SLC35B4: variants seen among roughly 807,000 people sequenced by gnomAD.
SLC35B4 encodes the protein solute carrier family 35 member B4, also known as nucleotide sugar transporter SLC35B4.
In SLC35B4, 28 loss-of-function variants were observed where a neutral mutation model predicts 39.5. The ratio of observed to expected loss-of-function variants is 0.71; its 90% CI spans 0.53 to 0.97. The LOEUF (loss-of-function observed/expected upper bound fraction) is 0.97, where lower values mean the gene tolerates loss of function less well. SLC35B4 is among the 50% of genes least tolerant of loss of function. SLC35B4 has a pLI of 0.00. For synonymous variants in SLC35B4, 145 were observed against 150.4 expected, an observed-to-expected ratio of 0.96 and a Z score of 0.26; for missense variants, 334 against 414.3, an observed-to-expected ratio of 0.81 and a Z score of 1.68.
At chr7:134,305,836 A>G (rs571795098) in intron 3 of SLC35B4, among the ~76,000 whole-genome samples, 1 of 152,030 alleles carries the variant, frequency 6.6e-6, no homozygotes, top group South Asian at 2.1e-4. Flanking sequence ...ACGCCCAGCT[A>G]ATTTTGTATT....
intron 1 of SLC35B4, among the ~76,000 whole-genome samples, chr7:134,314,004 C>T (rs1374204634): frequency 6.6e-6 from 1 of 151,738 alleles, no homozygotes; most frequent in African/African-American, 2.4e-5. Context: ...TATGAAAACC[C>T]ATTGTTTTAT....
chr7:134,308,750 A>C (rs1803768245), intron 2 of SLC35B4, among the ~76,000 whole-genome samples: 1 of 152,186 alleles, frequency 6.6e-6, no homozygotes, highest in South Asian at 2.1e-4. Context: ...CTGAGTTTTC[A>C]ATACACTGTT....
Position 134,316,769 on chromosome 7 carries a change from G to A in SLC35B4, c.-18C>T, listed in dbSNP as rs1226141970. The A allele has an allele frequency of 3.2e-6, 5 of 1,544,750 alleles. No homozygotes were observed. In the East Asian group the frequency reaches 7.3e-5, roughly 23 times the overall value. On this transcript the variant is annotated 5_prime_UTR_variant, in exon 1 of 10. Coordinates refer to ENST00000378509, the MANE Select transcript of SLC35B4 (RefSeq NM_032826.5). ...GGGCGCATGGCCGGTGCAGGGTTGG[G>A]GAAGCAAGCGCACAGAGTAAGCGCC...
chr7:134,298,132 T>C (rs1803506545), intron 8 of SLC35B4, among the ~76,000 whole-genome samples: 2 of 152,224 alleles, frequency 1.3e-5, no homozygotes, highest in African/African-American at 4.8e-5. Context: ...ATGTCTCATA[T>C]ATACATACAC....
At chr7:134,316,571 C>G in intron 1 of SLC35B4, 104 bp downstream of exon 1, 1 of 1,220,236 alleles carries the variant, frequency 8.2e-7, no homozygotes, top group Non-Finnish European at 1.1e-6. Flanking sequence ...GCTCCGTGGG[C>G]GGCGGGGTGG....
intron 8 of SLC35B4, 127 bp from the exon 9 acceptor site, chr7:134,296,593 G>A: frequency 1.5e-6 from 1 of 645,654 alleles, no homozygotes; most frequent in East Asian, 2.9e-5. Flanking sequence ...AAATAGAATT[G>A]GATCACGCAT....
chr7:134,297,108 A>G (rs1398449260), intron 8 of SLC35B4, among the ~76,000 whole-genome samples: 1 of 152,084 alleles, frequency 6.6e-6, no homozygotes, highest in African/African-American at 2.4e-5. Context: ...TTTAGTAGAG[A>G]CGGGGTTTCG....
In SLC35B4 at chr7:134,290,711, T is replaced by C. The variant is rs1370141180; in HGVS notation, c.*4122A>G. The C allele has an allele frequency of 1.3e-5, 2 of 152,232 alleles. No individual in the cohort carries two copies. 9.4% of individuals were successfully genotyped at this position (152,232 alleles called of 1,614,324 possible). The stretch of plus-strand genomic sequence containing the variant: ...AATAAGGAATGGATTTTATCTATAT[T>C]GACAGTTCTTTCAACCTTAAGAGTG... On this transcript the variant is annotated 3_prime_UTR_variant, in exon 10 of 10. Coordinates refer to ENST00000378509, the MANE Select transcript of SLC35B4 (RefSeq NM_032826.5).
Position 134,290,824 on chromosome 7 carries a change from C to T in SLC35B4, c.*4009G>A, listed in dbSNP as rs971645303. ...TGGTTATCTAATAAGGGTGGAATGA[C>T]TTATAATGCTATTTACTCCAGGCAA... On this transcript the variant is annotated 3_prime_UTR_variant, in exon 10 of 10. Coordinates refer to ENST00000378509, the MANE Select transcript of SLC35B4 (RefSeq NM_032826.5). The T allele has an allele frequency of 5.3e-5, 8 of 152,146 alleles. No individual in the cohort carries two copies. The highest frequency in any genetic ancestry group is 8.8e-5 in the Non-Finnish European group (6 of 68,032). 9.4% of individuals were successfully genotyped at this position (152,146 alleles called of 1,614,324 possible).
At chr7:134,312,103 G>C (rs1304828569) in intron 1 of SLC35B4, among the ~76,000 whole-genome samples, 1 of 152,154 alleles carries the variant, frequency 6.6e-6, no homozygotes, top group Non-Finnish European at 1.5e-5. Context: ...CACAGCGCCT[G>C]CCACAGAGTG....
intron 1 of SLC35B4, among the ~76,000 whole-genome samples, chr7:134,310,844 G>A (rs1166025289): frequency 1.3e-5 from 2 of 152,220 alleles, no homozygotes; most frequent in East Asian, 3.9e-4. Flanking sequence ...ACCACACCCG[G>A]CCTCTGTATT....
Position 134,291,695 on chromosome 7 carries a change from T to A in SLC35B4, c.*3138A>T, listed in dbSNP as rs1280877140. 2.0e-5 allele frequency: 3 copies of A among 152,126 alleles called. No individual in the cohort carries two copies. The highest frequency in any genetic ancestry group is 7.2e-5 in the African/African-American group (3 of 41,424). The allele number at this position is 152,126 out of a possible 1,614,324, so 9.4% of individuals were successfully genotyped here. A position where few individuals can be genotyped will look rare whatever the true frequency, so the allele number is the denominator to read the frequency against. On this transcript the variant is annotated 3_prime_UTR_variant, in exon 10 of 10. Transcript: ENST00000378509. ...AACAGGATGGAAAGGAGGAAAAAAC[T>A]AAAAACAAAGTATTTGGATTTGTCT... is the stretch of plus-strand genomic sequence containing the variant.
chr7:134,314,629 G>A (rs1397377107), intron 1 of SLC35B4, among the ~76,000 whole-genome samples: 2 of 151,952 alleles, frequency 1.3e-5, no homozygotes, highest in African/African-American at 2.4e-5. Context: ...TCCACCTCCC[G>A]GGTTCTAACG....
At chr7:134,299,626 G>T (rs151310484) in intron 7 of SLC35B4, 28 bp from the exon 8 acceptor site, 4 of 1,573,158 alleles carry the variant, frequency 2.5e-6, no homozygotes, top group South Asian at 1.1e-5. Context: ...TCAGATAAAT[G>T]TAAGTGCAAA....
intron 1 of SLC35B4, among the ~76,000 whole-genome samples, chr7:134,312,684 A>G (rs1297298645): frequency 6.6e-6 from 1 of 152,232 alleles, no homozygotes; most frequent in Non-Finnish European, 1.5e-5. Context: ...TATTCGCTAT[A>G]GGATTTTTAA....
intron 1 of SLC35B4, among the ~76,000 whole-genome samples, chr7:134,315,010 A>C (rs1037251451): frequency 6.6e-6 from 1 of 152,210 alleles, no homozygotes; most frequent in African/African-American, 2.4e-5. Context: ...GCTCCGTAAC[A>C]GCAAAACTTA....
intron 7 of SLC35B4, 96 bp downstream of exon 7, chr7:134,300,056 C>A: frequency 1.1e-6 from 1 of 887,654 alleles, no homozygotes; most frequent in East Asian, 2.6e-5. Context: ...ACCAATAATA[C>A]ACCTTCAACT....
intron 9 of SLC35B4, 140 bp from the exon 10 acceptor site, chr7:134,295,219 C>T (rs1371022822): frequency 9.1e-7 from 1 of 1,095,296 alleles, no homozygotes; most frequent in Admixed American, 2.5e-5. Context: ...TGAGGCTCCT[C>T]CTGGGGAGAA....
chr7:134,309,557 G>C lies in SLC35B4; in HGVS notation c.78-78C>G, dbSNP rs561736930. 4 of 910,904 alleles carry C rather than the reference G, an allele frequency of 4.4e-6. No homozygotes were observed. In the South Asian group the frequency reaches 5.8e-5, roughly 13 times the overall value. 56.4% of individuals were successfully genotyped at this position (910,904 alleles called of 1,614,324 possible). A position where few individuals can be genotyped will look rare whatever the true frequency, so the allele number is the denominator to read the frequency against. ...AACACTAAAATGCATTCTAATTAGA[G>C]GGCCAGAATAACAGCGTGGATGGAT... On this transcript the variant is annotated intron_variant, in intron 1 of 9. Transcript: ENST00000378509.
Sources: gnomAD v4.1 joint callset for allele counts (sites outside exome capture counted in the v4.1 genomes callset) on GRCh38, gnomAD v4.1.1 for gene constraint, MANE v1.5 for transcripts, NCBI Gene and HGNC (gene_info 2026-07-23, HGNC 2026-07-21) for gene names.